Variants in MYO18B observed in about 807,000 individuals in gnomAD.
The protein encoded by MYO18B is unconventional myosin-XVIIIb.
A neutral mutation model predicts 273.0 loss-of-function variants in MYO18B; 204 were observed. The ratio of observed to expected loss-of-function variants is 0.75; its 90% CI spans 0.67 to 0.84. MYO18B has a LOEUF of 0.84. Ranked by LOEUF, MYO18B falls within the 40% of genes least tolerant of loss-of-function variation. The pLI is 0.00. For synonymous variants in MYO18B, 1,330 were observed against 1,305.7 expected, an observed-to-expected ratio of 1.02 and a Z score of -0.40; for missense variants, 3,212 against 3,287.6, an observed-to-expected ratio of 0.98 and a Z score of 0.56.
intron 13 of MYO18B, 57 bp downstream of exon 13, chr22:25,823,735 G>A: frequency 6.4e-7 from 1 of 1,561,436 alleles, no homozygotes; most frequent in East Asian, 2.2e-5. Flanking sequence ...CAGCTCCTGG[G>A]GATACACCAG....
At chr22:26,025,065 C>T (rs1258624194) in intron 42 of MYO18B, among the ~76,000 whole-genome samples, 1 of 152,176 alleles carries the variant, frequency 6.6e-6, no homozygotes, top group East Asian at 1.9e-4. Flanking sequence ...GTGACCTAAT[C>T]ACCTCCCAAA....
rs537355906 is a variant in MYO18B at position 25,873,266 on chromosome 22, A to G, written c.3952-1020A>G. Among the ~76,000 whole-genome samples, 33 of 152,150 alleles carry G rather than the reference A, an allele frequency of 2.2e-4. No individual in the cohort carries two copies. In the South Asian group the frequency reaches 6.9e-3, roughly 32 times the overall value. On this transcript the variant is annotated intron_variant, in intron 22 of 43. Coordinates refer to ENST00000335473, the MANE Select transcript of MYO18B (RefSeq NM_032608.7). ...TGATCAGAGTGCTGCAGAGGCCATC[A>G]TCCATTATTGATGAGTTACGGTCTG...
intron 38 of MYO18B, among the ~76,000 whole-genome samples, 170 bp downstream of exon 38, chr22:25,952,593 C>T (rs1208985700): frequency 6.6e-6 from 1 of 152,180 alleles, no homozygotes. Flanking sequence ...ATAGCATCAT[C>T]CCTCAAGCCA....
intron 16 of MYO18B, among the ~76,000 whole-genome samples, chr22:25,833,347 G>A (rs1447602981): frequency 2.0e-5 from 3 of 152,192 alleles, no homozygotes; most frequent in African/African-American, 4.8e-5. Flanking sequence ...GGCCTGGAAA[G>A]GTCAGATGTT....
intron 25 of MYO18B, among the ~76,000 whole-genome samples, chr22:25,887,465 T>G (rs1382978335): frequency 2.6e-5 from 4 of 152,146 alleles, no homozygotes; most frequent in African/African-American, 9.7e-5. Flanking sequence ...GGCAGGCCCT[T>G]GGAGTAATTG....
intron 40 of MYO18B, among the ~76,000 whole-genome samples, chr22:25,999,924 A>G (rs1933784864): frequency 6.6e-6 from 1 of 152,146 alleles, no homozygotes; most frequent in Non-Finnish European, 1.5e-5. Flanking sequence ...AAGTGCTGGG[A>G]TTACAGGCAT....
At chr22:25,790,629 G>A (rs1051225711) in intron 11 of MYO18B, among the ~76,000 whole-genome samples, 3 of 152,240 alleles carry the variant, frequency 2.0e-5, no homozygotes, top group African/African-American at 7.2e-5. Context: ...GGTATGTTGA[G>A]TAAATAAATG....
chr22:26,061,006 T>TAC, the MYO18B span, among the ~76,000 whole-genome samples: 1,706 of 118,170 alleles, frequency 0.014, 46 homozygotes, highest in African/African-American at 0.061. Context: ...TGCACACACA[T>TAC]ACACACACAC....
intron 40 of MYO18B, among the ~76,000 whole-genome samples, chr22:25,999,635 CCTCCTTT>C (rs1933735816): frequency 1.6e-5 from 2 of 123,110 alleles, no homozygotes; most frequent in African/African-American, 3.4e-5. Flanking sequence ...TCCTCCTCCT[CCTCCTTT>C]CTCCTCCTTC....
chr22:25,999,595 C>G (rs893754354), intron 40 of MYO18B, among the ~76,000 whole-genome samples: 2 of 124,064 alleles, frequency 1.6e-5, no homozygotes, highest in Non-Finnish European at 3.3e-5. Context: ...TCCTCTTCCT[C>G]CTTTCTCCTC....
chr22:25,974,043 C>T (rs1333893282), intron 39 of MYO18B, among the ~76,000 whole-genome samples: 1 of 152,186 alleles, frequency 6.6e-6, no homozygotes, highest in African/African-American at 2.4e-5. Flanking sequence ...ATCTGTATTT[C>T]ATCCATTTTT....
intron 1 of MYO18B, among the ~76,000 whole-genome samples, chr22:25,745,038 C>T (rs533861517): frequency 5.3e-4 from 81 of 152,132 alleles, no homozygotes; most frequent in Non-Finnish European, 6.3e-4. Context: ...ATTATCCCCC[C>T]GCACCAAGAT....
chr22:25,750,445 G>A (rs1416040381), intron 1 of MYO18B, among the ~76,000 whole-genome samples: 2 of 152,212 alleles, frequency 1.3e-5, no homozygotes, highest in Admixed American at 1.3e-4. Flanking sequence ...GGTGTCTTCA[G>A]TTCTCCAGCA....
chr22:25,798,019 A>G lies in MYO18B; in HGVS notation c.2443A>G (p.Ile815Val). ...QLQGAMEMLG[I>V]SESEQRAVWR... Reference sequence around the variant, plus strand: ...CCAGGGTGCCATGGAGATGCTCGGCATCTCAGAGAGCGAGCAGCGGGCTGT... The same window carrying G: ...CCAGGGTGCCATGGAGATGCTCGGCGTCTCAGAGAGCGAGCAGCGGGCTGT... The change falls in exon 12 of 44, where the codon ATC becomes GTC. Residue 815 changes from isoleucine to valine, a missense_variant. Coordinates refer to ENST00000335473, the MANE Select transcript of MYO18B (RefSeq NM_032608.7). 1.9e-6 allele frequency: 3 copies of G among 1,613,804 alleles called. No homozygotes were observed. Among genetic ancestry groups the G allele is most frequent in the Non-Finnish European group, 2.5e-6 (3 of 1,179,734 alleles).
chr22:25,942,631 TCA>T (rs1318013624), intron 34 of MYO18B, among the ~76,000 whole-genome samples: 1 of 152,154 alleles, frequency 6.6e-6, no homozygotes, highest in Non-Finnish European at 1.5e-5. Flanking sequence ...TCTGTGTGTC[TCA>T]GAGTCCGCCT....
intron 33 of MYO18B, among the ~76,000 whole-genome samples, chr22:25,918,608 G>A (rs1173570012): frequency 6.6e-6 from 1 of 152,208 alleles, no homozygotes; most frequent in Non-Finnish European, 1.5e-5. Context: ...GCTTCCTCTG[G>A]AAAGGAGTTA....
chr22:25,765,525 T>G (rs979196798), intron 3 of MYO18B, among the ~76,000 whole-genome samples: 1 of 152,184 alleles, frequency 6.6e-6, no homozygotes, highest in Non-Finnish European at 1.5e-5. Context: ...TAACCCGTAT[T>G]GAATGTCAAG....
chr22:25,884,357 C>G (rs2091434510), intron 25 of MYO18B, among the ~76,000 whole-genome samples: 1 of 152,228 alleles, frequency 6.6e-6, no homozygotes, highest in African/African-American at 2.4e-5. Flanking sequence ...AGTCCTGCCA[C>G]AGCATCATGC....
rs1191285311 is a variant in MYO18B at position 26,003,218 on chromosome 22, C to T, written c.6288-47C>T. The stretch of plus-strand genomic sequence containing the variant: ...AACGTCAATAACCATGCTTCCAAGC[C>T]CCTGGCAGCACGAGGATAACACACT... On this transcript the variant is annotated intron_variant, in intron 40 of 43. Coordinates refer to ENST00000335473, the MANE Select transcript of MYO18B (RefSeq NM_032608.7). 14 of 1,540,576 alleles carry T rather than the reference C, an allele frequency of 9.1e-6. No homozygotes were observed. The African/African-American group carries it at 1.2e-4, about 13-fold the overall frequency.
Sources: allele counts gnomAD v4.1 joint callset (sites outside exome capture counted in the v4.1 genomes callset), GRCh38; gene constraint gnomAD v4.1.1; transcripts MANE v1.5; gene names NCBI Gene and HGNC (gene_info 2026-07-23, HGNC 2026-07-21).